The following GRM1 variants were observed in gnomAD, a reference collection of about 807,000 sequenced individuals.
The protein encoded by GRM1 is glutamate metabotropic receptor 1.
In GRM1, 33 loss-of-function variants were observed where a neutral mutation model predicts 90.9. That is an observed-to-expected ratio of 0.36 (90% CI 0.28 to 0.49). GRM1 has a LOEUF of 0.49. GRM1 is among the 20% of genes least tolerant of loss of function. The probability of loss-of-function intolerance (pLI) is 0.99; values close to 1 mark genes in which losing one functional copy is unlikely to be tolerated. For synonymous variants in GRM1, 700 were observed against 613.2 expected (o/e 1.14, Z -2.09); for missense variants, 1,190 against 1,534.3 (o/e 0.78, Z 3.75).
At chr6:146,055,476 C>T (rs747635928) in intron 1 of GRM1, among the ~76,000 whole-genome samples, 3 of 151,928 alleles carry the variant, frequency 2.0e-5, no homozygotes, top group Non-Finnish European at 4.4e-5. Flanking sequence ...CAAAGTTATT[C>T]CAAAATCATG....
At chr6:146,410,723 G>A (rs1479913795) in intron 7 of GRM1, among the ~76,000 whole-genome samples, 14 of 152,082 alleles carry the variant, frequency 9.2e-5, no homozygotes, top group South Asian at 2.1e-4. Context: ...TGCAGAGAGC[G>A]TATTCTAGGC....
chr6:146,171,568 G>A (rs1778127626), intron 2 of GRM1: 3 of 241,644 alleles, frequency 1.2e-5, no homozygotes, highest in Non-Finnish European at 2.7e-5. Context: ...GATGATGCAT[G>A]GAGTTCATAT....
chr6:146,398,473 A>G (rs930431180), intron 6 of GRM1, among the ~76,000 whole-genome samples: 1 of 152,230 alleles, frequency 6.6e-6, no homozygotes, highest in Non-Finnish European at 1.5e-5. Flanking sequence ...TGTAGAACCG[A>G]GTCCCATTCA....
intron 2 of GRM1, among the ~76,000 whole-genome samples, chr6:146,278,438 T>C (rs62434326): frequency 6.6e-6 from 1 of 152,168 alleles, no homozygotes; most frequent in Non-Finnish European, 1.5e-5. Context: ...ATGTTACTTA[T>C]TCTGCCTCTG....
At chr6:146,115,276 A>G (rs1045343347) in intron 1 of GRM1, among the ~76,000 whole-genome samples, 2 of 151,946 alleles carry the variant, frequency 1.3e-5, no homozygotes, top group Admixed American at 6.6e-5. Flanking sequence ...TACATGTACT[A>G]TATAGTACAT....
upstream of GRM1, among the ~76,000 whole-genome samples, chr6:146,028,107 C>T (rs1319479721): frequency 6.6e-6 from 1 of 152,086 alleles, no homozygotes; most frequent in Non-Finnish European, 1.5e-5. Context: ...CCAACTTCAG[C>T]CCCGCAGGCG....
intron 3 of GRM1, among the ~76,000 whole-genome samples, chr6:146,344,292 T>C (rs1046475868): frequency 6.6e-6 from 1 of 152,214 alleles, no homozygotes; most frequent in African/African-American, 2.4e-5. Flanking sequence ...CTATCTATAG[T>C]GCAGTGCTTA....
intron 3 of GRM1, among the ~76,000 whole-genome samples, chr6:146,331,044 T>C (rs1202543940): frequency 6.6e-6 from 1 of 152,180 alleles, no homozygotes; most frequent in African/African-American, 2.4e-5. Context: ...CTATACACGA[T>C]GTGCTAATTG....
chr6:146,408,767 G>T (rs1343541975), intron 7 of GRM1, among the ~76,000 whole-genome samples: 1 of 152,166 alleles, frequency 6.6e-6, no homozygotes, highest in Non-Finnish European at 1.5e-5. Context: ...GTATGACACG[G>T]TTTGGCAACC....
chr6:146,333,623 G>T (rs1389916433), intron 3 of GRM1, among the ~76,000 whole-genome samples: 2 of 152,154 alleles, frequency 1.3e-5, no homozygotes, highest in Non-Finnish European at 2.9e-5. Flanking sequence ...AAAACCAGGG[G>T]CCAGAAGAGT....
intron 1 of GRM1, among the ~76,000 whole-genome samples, chr6:146,145,356 C>A (rs1257286602): frequency 6.6e-6 from 1 of 152,108 alleles, no homozygotes; most frequent in South Asian, 2.1e-4. Context: ...AGGCTGTCCC[C>A]CCATCACAGC....
At chr6:146,149,735 A>C (rs768827484) in intron 1 of GRM1, among the ~76,000 whole-genome samples, 35 of 152,306 alleles carry the variant, frequency 2.3e-4, no homozygotes, top group Non-Finnish European at 4.0e-4. Context: ...AAGAGGACAA[A>C]GATTACTTGG....
At chr6:146,182,848 G>T (rs1053401867) in intron 2 of GRM1, among the ~76,000 whole-genome samples, 13 of 152,084 alleles carry the variant, frequency 8.5e-5, no homozygotes, top group African/African-American at 2.9e-4. Flanking sequence ...TAGATAAACT[G>T]AGTATTAATA....
intron 2 of GRM1, among the ~76,000 whole-genome samples, chr6:146,187,416 A>G (rs1335523144): frequency 6.6e-6 from 1 of 152,120 alleles, no homozygotes; most frequent in East Asian, 1.9e-4. Flanking sequence ...ATACCATATC[A>G]CGAAGTTTTT....
At chr6:146,036,199 C>T (rs1006998841) in intron 1 of GRM1, among the ~76,000 whole-genome samples, 5 of 151,848 alleles carry the variant, frequency 3.3e-5, no homozygotes, top group Admixed American at 6.6e-5. Context: ...TATCAAAAGT[C>T]GTGTTTTCGG....
chr6:146,379,423 C>A (rs917379246), intron 5 of GRM1, among the ~76,000 whole-genome samples: 3 of 152,036 alleles, frequency 2.0e-5, no homozygotes, highest in African/African-American at 7.2e-5. Flanking sequence ...CTGCTTGTTT[C>A]TTTTTAATTA....
intron 2 of GRM1, among the ~76,000 whole-genome samples, chr6:146,268,273 A>G (rs139342444): frequency 6.6e-6 from 1 of 152,148 alleles, no homozygotes; most frequent in African/African-American, 2.4e-5. Flanking sequence ...GTAACTTTCC[A>G]TTGCCACTTC....
chr6:146,246,579 C>G (rs757863789), intron 2 of GRM1, among the ~76,000 whole-genome samples: 5 of 152,184 alleles, frequency 3.3e-5, no homozygotes, highest in Non-Finnish European at 7.3e-5. Flanking sequence ...GTCAGAGACT[C>G]TCACTGAGAG....
chr6:146,362,867 A>G (rs1467247443), intron 5 of GRM1, among the ~76,000 whole-genome samples: 28 of 152,088 alleles, frequency 1.8e-4, no homozygotes, highest in Non-Finnish European at 1.9e-4. Context: ...GAGGCCAAAG[A>G]GCAGATTCAT....
Sources: gnomAD v4.1 joint callset for allele counts (sites outside exome capture counted in the v4.1 genomes callset) on GRCh38, gnomAD v4.1.1 for gene constraint, MANE v1.5 for transcripts, NCBI Gene and HGNC (gene_info 2026-07-23, HGNC 2026-07-21) for gene names.